The following SNX29 variants were observed in gnomAD, a reference collection of about 807,000 sequenced individuals.
The protein encoded by SNX29 is sorting nexin 29, also known as sorting nexin-29.
SNX29 carries 78 observed loss-of-function variants against 102.1 expected under a neutral mutation model. The observed-to-expected ratio is 0.76, with a 90% CI of 0.64 to 0.92. The LOEUF is 0.92. Among genes scored for constraint, SNX29 ranks in the 40% least tolerant of loss-of-function variants. The pLI is 0.00. For synonymous variants in SNX29, 580 were observed against 414.5 expected, an observed-to-expected ratio of 1.40 and a Z score of -4.85; for missense variants, 1,280 against 1,061.7, an observed-to-expected ratio of 1.21 and a Z score of -2.86.
rs1299725520 is a variant in SNX29 at position 12,477,734 on chromosome 16, A to G, written c.2053A>G (p.Lys685Glu). Reference sequence around the variant, plus strand: ...TTCTTGACAGGTCTACATCCGGATAAAAGACGATGAATGGAATATTTATCG... The same window carrying G: ...TTCTTGACAGGTCTACATCCGGATAGAAGACGATGAATGGAATATTTATCG... ...FHVYQVYIRIKDDEWNIYRRY... is the reference protein window; with the variant it reads ...FHVYQVYIRIEDDEWNIYRRY... The change falls in exon 19 of 21, where the codon AAA becomes GAA. Residue 685 changes from lysine to glutamate, a missense_variant. Transcript: ENST00000566228. 1 of 1,612,058 alleles carries G rather than the reference A, an allele frequency of 6.2e-7. No individual in the cohort carries two copies. Among genetic ancestry groups the G allele is most frequent in the South Asian group, 1.1e-5 (1 of 90,754 alleles).
In SNX29 at chr16:12,573,053, A is replaced by G. The variant is rs927011406; in HGVS notation, c.*4424A>G. 3 of 234,904 alleles carry G rather than the reference A, an allele frequency of 1.3e-5. No homozygotes were observed. The highest frequency in any genetic ancestry group is 1.7e-5 in the Non-Finnish European group (2 of 120,620). 14.6% of individuals were successfully genotyped at this position (234,904 alleles called of 1,614,324 possible). ...GCGTCCGTGCTAATTCTGCAGTTGT[A>G]GCACTGTATATTTTATCTCATTTCT... On this transcript the variant is annotated 3_prime_UTR_variant, in exon 21 of 21. Coordinates refer to ENST00000566228, the MANE Select transcript of SNX29 (RefSeq NM_032167.5).
At chr16:12,393,143 G>C (rs1034848811) in intron 16 of SNX29, among the ~76,000 whole-genome samples, 1 of 152,190 alleles carries the variant, frequency 6.6e-6, no homozygotes, top group African/African-American at 2.4e-5. Flanking sequence ...AATTATGGCT[G>C]CCATTTCATG....
chr16:12,567,246 G>A (rs1396644885), intron 20 of SNX29, among the ~76,000 whole-genome samples: 1 of 152,032 alleles, frequency 6.6e-6, no homozygotes, highest in Admixed American at 6.5e-5. Flanking sequence ...TGTGGACACA[G>A]TCCTGTCTTC....
At chr16:12,176,929 G>T (rs147101151) in intron 13 of SNX29, among the ~76,000 whole-genome samples, 188 of 151,618 alleles carry the variant, frequency 1.2e-3, no homozygotes, top group African/African-American at 4.5e-3. Flanking sequence ...GGGTCGGGCT[G>T]TTCAGGGTTT....
intron 8 of SNX29, among the ~76,000 whole-genome samples, chr16:12,055,909 G>C (rs376903850): frequency 4.9e-4 from 75 of 152,172 alleles, no homozygotes; most frequent in African/African-American, 1.7e-3. Context: ...CTGGAACAGA[G>C]TCTTACTCCA....
chr16:12,340,935 C>G (rs2081592470), intron 15 of SNX29, among the ~76,000 whole-genome samples: 1 of 152,200 alleles, frequency 6.6e-6, no homozygotes, highest in Non-Finnish European at 1.5e-5. Context: ...CATCTTTCCT[C>G]TATTTACTTC....
Position 12,572,691 on chromosome 16 carries a change from C to T in SNX29, c.*4062C>T. 1 of 1,063,912 alleles carries T rather than the reference C, an allele frequency of 9.4e-7. No individual in the cohort carries two copies. Among genetic ancestry groups the T allele is most frequent in the South Asian group, 4.6e-5 (1 of 21,972 alleles). 65.9% of individuals were successfully genotyped at this position (1,063,912 alleles called of 1,614,324 possible). Reference sequence around the variant, plus strand: ...GCACCCACACGGGGGAAGCCCTGCACTCCAGCAGCATCTTCCAGCCTTGGC... The same window carrying T: ...GCACCCACACGGGGGAAGCCCTGCATTCCAGCAGCATCTTCCAGCCTTGGC... On this transcript the variant is annotated 3_prime_UTR_variant, in exon 21 of 21. Transcript: ENST00000566228.
intron 19 of SNX29, among the ~76,000 whole-genome samples, chr16:12,522,727 GT>G (rs2090146769): frequency 6.6e-6 from 1 of 152,144 alleles, no homozygotes; most frequent in Admixed American, 6.5e-5. Flanking sequence ...CCCCCACCAT[GT>G]TTCCTGTACA....
At chr16:12,365,781 G>A (rs561702563) in intron 16 of SNX29, among the ~76,000 whole-genome samples, 19 of 151,442 alleles carry the variant, frequency 1.3e-4, no homozygotes, top group African/African-American at 4.1e-4. Flanking sequence ...GGTGGCTCAC[G>A]CCTGTAATCC....
At chr16:12,290,514 A>G (rs1451058808) in intron 15 of SNX29, among the ~76,000 whole-genome samples, 1 of 152,146 alleles carries the variant, frequency 6.6e-6, no homozygotes, top group African/African-American at 2.4e-5. Flanking sequence ...GGTGTCGTGA[A>G]TGTGTCCCAT....
At chr16:12,069,582 C>G (rs2051195508) in intron 10 of SNX29, among the ~76,000 whole-genome samples, 1 of 151,780 alleles carries the variant, frequency 6.6e-6, no homozygotes, top group South Asian at 2.1e-4. Context: ...ACAGAAGATG[C>G]AGTTGCCAAG....
At chr16:12,348,568 G>C (rs1412662601) in intron 15 of SNX29, among the ~76,000 whole-genome samples, 1 of 152,178 alleles carries the variant, frequency 6.6e-6, no homozygotes, top group Admixed American at 6.5e-5. Flanking sequence ...GTGTGTGACA[G>C]TGTCCCTTAC....
At chr16:12,461,939 G>C (rs572316623) in intron 18 of SNX29, among the ~76,000 whole-genome samples, 16 of 110,102 alleles carry the variant, frequency 1.5e-4, no homozygotes, top group African/African-American at 5.3e-4. Context: ...CTGGGTGACA[G>C]AGCGAGACTC....
At chr16:12,462,443 T>A (rs1220073919) in intron 18 of SNX29, among the ~76,000 whole-genome samples, 1 of 152,162 alleles carries the variant, frequency 6.6e-6, no homozygotes, top group African/African-American at 2.4e-5. Flanking sequence ...GCATTTAATT[T>A]TTCTGTTACC....
At chr16:12,052,295 C>T (rs574183282) in intron 8 of SNX29, 73 bp downstream of exon 8, 19 of 1,529,116 alleles carry the variant, frequency 1.2e-5, no homozygotes, top group Non-Finnish European at 1.7e-5. Context: ...CAGCTCACTG[C>T]AACCTCCACC....
chr16:12,232,160 G>T (rs927915544), intron 14 of SNX29, among the ~76,000 whole-genome samples: 1 of 152,190 alleles, frequency 6.6e-6, no homozygotes, highest in Admixed American at 6.5e-5. Context: ...AAGTCTGTTT[G>T]AGGATACTTT....
chr16:12,232,769 C>A (rs1254026310), intron 14 of SNX29, among the ~76,000 whole-genome samples: 1 of 152,122 alleles, frequency 6.6e-6, no homozygotes, highest in African/African-American at 2.4e-5. Flanking sequence ...CAGAAGATGT[C>A]CCCTGAGAGG....
chr16:12,382,850 C>T lies in SNX29; in HGVS notation c.1900-15596C>T, dbSNP rs111458053. 2.1e-3 allele frequency among the ~76,000 whole-genome samples: 313 copies of T among 152,148 alleles called. 1 individual carries two copies. The highest frequency in any genetic ancestry group is 3.7e-3 in the Non-Finnish European group (250 of 68,006). ...TTACTTGGCCTTCTCCTGCTTCTCT[C>T]TGGTGCCTCTCTGTATCTCTCTTAT... On this transcript the variant is annotated intron_variant, in intron 16 of 20. Transcript: ENST00000566228.
chr16:12,176,698 G>C (rs2968354), intron 13 of SNX29, among the ~76,000 whole-genome samples: 117,855 of 152,116 alleles, frequency 0.77, 49,298 homozygotes, highest in Non-Finnish European at 0.93. Flanking sequence ...ACTGTGGTAT[G>C]TGAGGTGGGT....
Sources: gnomAD v4.1 joint callset for allele counts (sites outside exome capture counted in the v4.1 genomes callset) on GRCh38, gnomAD v4.1.1 for gene constraint, MANE v1.5 for transcripts, NCBI Gene and HGNC (gene_info 2026-07-23, HGNC 2026-07-21) for gene names.